GYPB: variants seen among roughly 807,000 people sequenced by gnomAD.
GYPB encodes glycophorin B (MNS blood group), also known as glycophorin-B.
In GYPB, 13 loss-of-function variants were observed where a neutral mutation model predicts 15.3. The observed-to-expected ratio is 0.85, with a 90% CI of 0.55 to 1.35. The LOEUF is 1.35. Ranked by LOEUF, GYPB falls within the 40% of genes most tolerant of loss-of-function variation. The pLI is 0.00. For missense variants in GYPB, 131 were observed against 108.3 expected, an observed-to-expected ratio of 1.21 and a Z score of -0.93; for synonymous variants, 38 against 36.9, an observed-to-expected ratio of 1.03 and a Z score of -0.11.
In GYPB at chr4:144,007,850, C is replaced by T. The variant is rs1407061526; in HGVS notation, c.38-6567G>A. ...ATAGGGTCTCACCATATTGCCCATA[C>T]TAGCCTCAAACTCCTAGGCTCAAGC... On this transcript the variant is annotated intron_variant, in intron 1 of 4. Coordinates refer to ENST00000502664, the MANE Select transcript of GYPB (RefSeq NM_002100.6). 4.0e-5 allele frequency among the ~76,000 whole-genome samples: 6 copies of T among 151,314 alleles called. 1 individual carries two copies. The highest frequency in any genetic ancestry group is 1.5e-4 in the African/African-American group (6 of 40,622).
chr4:144,000,312 T>A (rs1397080113), intron 2 of GYPB: 4 of 298,632 alleles, frequency 1.3e-5, no homozygotes, highest in Non-Finnish European at 2.3e-5. Flanking sequence ...CTGTCATGAG[T>A]TACAGCTCGT....
intron 1 of GYPB, among the ~76,000 whole-genome samples, chr4:144,001,994 A>G (rs191925610): frequency 0.013 from 1,856 of 146,130 alleles, 125 homozygotes; most frequent in African/African-American, 0.045. Context: ...AAAAAACCAC[A>G]CACGCAAACA....
intron 2 of GYPB, among the ~76,000 whole-genome samples, chr4:144,000,941 G>A (rs1475932787): frequency 6.6e-6 from 1 of 151,202 alleles, no homozygotes. Context: ...ATGGTCACAT[G>A]TATCATTTCT....
intron 3 of GYPB, among the ~76,000 whole-genome samples, chr4:143,999,089 T>G (rs974229855): frequency 1.2e-4 from 18 of 151,098 alleles, no homozygotes; most frequent in Non-Finnish European, 2.1e-4. Context: ...TTGTATTTTT[T>G]GTAGAGATAG....
intron 2 of GYPB, chr4:144,000,119 T>A (rs1406881471): frequency 6.0e-6 from 1 of 167,644 alleles, no homozygotes; most frequent in East Asian, 1.7e-4. Context: ...TATTACAAAT[T>A]ACTTAGTATA....
chr4:143,999,301 C>G, intron 3 of GYPB, 110 bp downstream of exon 3: 1 of 648,658 alleles, frequency 1.5e-6, no homozygotes, highest in Non-Finnish European at 2.7e-6. Flanking sequence ...ATAAAGTTAA[C>G]AACATATGCT....
At chr4:143,999,226 A>T (rs1264664515) in intron 3 of GYPB, 185 bp downstream of exon 3, 1 of 514,570 alleles carries the variant, frequency 1.9e-6, no homozygotes, top group African/African-American at 2.1e-5. Context: ...TGTTTTTAAA[A>T]ATAAGAAATG....
At chr4:144,005,586 T>A (rs1396927543) in intron 1 of GYPB, among the ~76,000 whole-genome samples, 1 of 151,386 alleles carries the variant, frequency 6.6e-6, no homozygotes, top group East Asian at 1.9e-4. Context: ...CTAGCAATGC[T>A]GAGATGAGAG....
In GYPB at chr4:143,996,185, G is replaced by C; in HGVS notation, c.*114C>G. 6.5e-7 allele frequency: 1 copy of C among 1,540,748 alleles called. No individual in the cohort carries two copies. Among genetic ancestry groups the C allele is most frequent in the Non-Finnish European group, 8.8e-7 (1 of 1,140,714 alleles). ...GGCAGGAGAACAGGGAATTAGGATA[G>C]CCAGGGGTAGGGGCATAAGCAAAGG... is the stretch of plus-strand genomic sequence containing the variant. On this transcript the variant is annotated 3_prime_UTR_variant, in exon 5 of 5. Coordinates refer to ENST00000502664, the MANE Select transcript of GYPB (RefSeq NM_002100.6).
chr4:143,997,683 G>A lies in GYPB; in HGVS notation c.176-49C>T, dbSNP rs775268577. The A allele has an allele frequency of 4.4e-5, 41 of 930,996 alleles. No homozygotes were observed. In the South Asian group the frequency reaches 4.9e-4, roughly 11 times the overall value. 57.7% of individuals were successfully genotyped at this position (930,996 alleles called of 1,614,324 possible). On this transcript the variant is annotated intron_variant, in intron 3 of 4. Transcript: ENST00000502664. ...AAAGTCTGAAATAAATGACCACATA[G>A]CAATAGAAAAATAAGACAGATAACA...
rs906357045 is a variant in GYPB at position 144,018,489 on chromosome 4, G to C, written c.37+762C>G. Among the ~76,000 whole-genome samples, 38 of 151,192 alleles carry C rather than the reference G, an allele frequency of 2.5e-4. 1 individual carries two copies. The highest frequency in any genetic ancestry group is 8.1e-4 in the African/African-American group (33 of 40,546). On this transcript the variant is annotated intron_variant, in intron 1 of 4. Coordinates refer to ENST00000502664, the MANE Select transcript of GYPB (RefSeq NM_002100.6). ...TCAAGCAACTGCCTGCCCCCTGTGT[G>C]CTGGGCACTAGTATTGCTAACACAT...
At chr4:144,017,117 A>G (rs1728543135) in intron 1 of GYPB, among the ~76,000 whole-genome samples, 1 of 150,690 alleles carries the variant, frequency 6.6e-6, no homozygotes, top group Non-Finnish European at 1.5e-5. Flanking sequence ...ATGGGAGCCC[A>G]TTTTTCTTCC....
chr4:143,996,770 T>A (rs1391831936), intron 4 of GYPB, among the ~76,000 whole-genome samples: 3 of 88,484 alleles, frequency 3.4e-5, no homozygotes, highest in Non-Finnish European at 4.7e-5. Flanking sequence ...AAACTCTGTC[T>A]CAAAAAAAAA....
chr4:144,007,685 G>T (rs1434700623), intron 1 of GYPB, among the ~76,000 whole-genome samples: 1 of 151,592 alleles, frequency 6.6e-6, no homozygotes, highest in Non-Finnish European at 1.5e-5. Context: ...TCTATTCCTG[G>T]CTTTGCCATC....
At chr4:144,003,903 T>A (rs1245703507) in intron 1 of GYPB, among the ~76,000 whole-genome samples, 1 of 151,506 alleles carries the variant, frequency 6.6e-6, no homozygotes, top group Non-Finnish European at 1.5e-5. Context: ...TCCAGCTGGA[T>A]CTACATGCCT....
chr4:144,001,353 A>G (rs1727617737), intron 1 of GYPB, 70 bp from the exon 2 acceptor site: 3 of 1,611,438 alleles, frequency 1.9e-6, no homozygotes, highest in Non-Finnish European at 2.5e-6. Context: ...GCATATCACA[A>G]AAGACAAATT....
At chr4:144,011,465 A>T (rs1343424793) in intron 1 of GYPB, among the ~76,000 whole-genome samples, 1 of 151,228 alleles carries the variant, frequency 6.6e-6, no homozygotes, top group Non-Finnish European at 1.5e-5. Flanking sequence ...AAAAGACATT[A>T]CAAACAGTGA....
intron 4 of GYPB, 99 bp downstream of exon 4, chr4:143,997,441 T>A (rs1727380348): frequency 1.4e-6 from 1 of 726,532 alleles, no homozygotes; most frequent in South Asian, 1.5e-5. Context: ...TTTTATGCAG[T>A]TCTGTTTCTC....
intron 1 of GYPB, among the ~76,000 whole-genome samples, chr4:144,017,629 A>G (rs893352243): frequency 5.3e-5 from 8 of 151,106 alleles, no homozygotes; most frequent in Non-Finnish European, 7.4e-5. Flanking sequence ...AAAAAAAATC[A>G]TTTCTTTGCC....
Sources: allele counts gnomAD v4.1 joint callset (sites outside exome capture counted in the v4.1 genomes callset), GRCh38; gene constraint gnomAD v4.1.1; transcripts MANE v1.5; gene names NCBI Gene and HGNC (gene_info 2026-07-23, HGNC 2026-07-21).